The following BCHE variants were observed in gnomAD, a reference collection of about 807,000 sequenced individuals.
The protein encoded by BCHE is butyrylcholinesterase.
Under a neutral mutation model 51.3 loss-of-function variants are expected in BCHE, and 48 were observed. That is an observed-to-expected ratio of 0.94 (90% CI 0.74 to 1.19). The LOEUF (loss-of-function observed/expected upper bound fraction) is 1.19. Ranked by LOEUF, BCHE falls within the 50% of genes most tolerant of loss-of-function variation. The pLI is 0.00. For synonymous variants in BCHE, 251 were observed against 238.0 expected, an observed-to-expected ratio of 1.05 and a Z score of -0.50; for missense variants, 847 against 708.2, an observed-to-expected ratio of 1.20 and a Z score of -2.23.
At chr3:165,796,060 TAA>T (rs1323149765) in intron 2 of BCHE, among the ~76,000 whole-genome samples, 1 of 151,818 alleles carries the variant, frequency 6.6e-6, no homozygotes, top group Admixed American at 6.6e-5. Context: ...TTCTAGGAAA[TAA>T]AAAAGAAGAC....
At chr3:165,820,097 A>G (rs1714456245) in intron 2 of BCHE, among the ~76,000 whole-genome samples, 1 of 152,138 alleles carries the variant, frequency 6.6e-6, no homozygotes, top group Non-Finnish European at 1.5e-5. Flanking sequence ...GAGCCATTTT[A>G]TACTGAGTGC....
At chr3:165,791,546 G>A (rs546928192) in intron 2 of BCHE, among the ~76,000 whole-genome samples, 1 of 152,308 alleles carries the variant, frequency 6.6e-6, no homozygotes, top group Admixed American at 6.5e-5. Context: ...AAAGAGGAAA[G>A]GAGCAGGCAA....
intron 1 of BCHE, among the ~76,000 whole-genome samples, chr3:165,832,264 C>G (rs1454505681): frequency 6.6e-6 from 1 of 152,094 alleles, no homozygotes; most frequent in Non-Finnish European, 1.5e-5. Flanking sequence ...CAAAGAGGGA[C>G]AGCAAAATGT....
chr3:165,834,736 T>G (rs2108238981), intron 1 of BCHE, among the ~76,000 whole-genome samples: 1 of 152,036 alleles, frequency 6.6e-6, no homozygotes, highest in East Asian at 1.9e-4. Context: ...TATCTCAAAA[T>G]TTTTATTAAT....
intron 1 of BCHE, among the ~76,000 whole-genome samples, chr3:165,837,003 T>G (rs1462480826): frequency 1.3e-5 from 2 of 152,200 alleles, no homozygotes; most frequent in African/African-American, 2.4e-5. Flanking sequence ...ATGTTTTTTC[T>G]TAGGAAACTC....
At chr3:165,831,627 G>A (rs903923946) in intron 1 of BCHE, among the ~76,000 whole-genome samples, 2 of 152,066 alleles carry the variant, frequency 1.3e-5, no homozygotes, top group Admixed American at 6.6e-5. Flanking sequence ...AAACTGAAGA[G>A]AATTTAGACA....
intron 3 of BCHE, among the ~76,000 whole-genome samples, chr3:165,774,909 A>G (rs1712405344): frequency 6.6e-6 from 1 of 151,978 alleles, no homozygotes; most frequent in African/African-American, 2.4e-5. Context: ...TGAACAGTAA[A>G]AACTATTAAA....
At chr3:165,814,007 T>G (rs2108223911) in intron 2 of BCHE, among the ~76,000 whole-genome samples, 1 of 152,112 alleles carries the variant, frequency 6.6e-6, no homozygotes, top group Admixed American at 6.6e-5. Flanking sequence ...TACAGTAATT[T>G]TTCGTAAGTG....
Position 165,773,313 on chromosome 3 carries a change from TA to T in BCHE, c.*68del. 1 of 1,478,674 alleles carries T rather than the reference TA, an allele frequency of 6.8e-7. No homozygotes were observed. Among genetic ancestry groups the T allele is most frequent in the Non-Finnish European group, 9.3e-7 (1 of 1,074,840 alleles). The allele number at this position is 1,478,674 out of a possible 1,614,324, so 91.6% of individuals were successfully genotyped here. A position where few individuals can be genotyped will look rare whatever the true frequency, so the allele number is the denominator to read the frequency against. On this transcript the variant is annotated 3_prime_UTR_variant, in exon 4 of 4. Transcript: ENST00000264381. Reference sequence around the variant, plus strand: ...CATAATAACTTTTTTAGTAGGTGTGTAAAAAAGCTCCTGATATTTTTGCCTT... The same window carrying T: ...CATAATAACTTTTTTAGTAGGTGTGTAAAAAGCTCCTGATATTTTTGCCTT...
chr3:165,779,022 C>T (rs1352208727), intron 3 of BCHE, among the ~76,000 whole-genome samples: 3 of 152,088 alleles, frequency 2.0e-5, no homozygotes, highest in African/African-American at 4.8e-5. Context: ...ACCCTCCCCA[C>T]CCACAAAATA....
Position 165,804,538 on chromosome 3 carries a change from C to T in BCHE, c.1518-18227G>A, listed in dbSNP as rs114874054. Among the ~76,000 whole-genome samples the T allele has an allele frequency of 3.2e-3, 487 of 152,132 alleles. 1 individual carries two copies. The highest frequency in any genetic ancestry group is 0.01 in the Middle Eastern group (3 of 294). On this transcript the variant is annotated intron_variant, in intron 2 of 3. Transcript: ENST00000264381. ...TCTAGATGGGAGACAAGGGCATAAT[C>T]GACATTGCAACTGGAGGGAGGTAGA...
chr3:165,829,637 T>C lies in BCHE; in HGVS notation c.1397A>G (p.His466Arg), dbSNP rs775935293. Residue 466 changes from histidine to arginine, a missense_variant, in exon 2 of 4, where the codon CAT becomes CGT. His to Arg is a conservative substitution (Grantham distance 29). Transcript: ENST00000264381. Reference protein sequence around the residue: ...LPWPEWMGVMHGYEIEFVFGL... With the variant: ...LPWPEWMGVMRGYEIEFVFGL... Reference sequence around the variant, plus strand: ...AAAGACAAATTCAATTTCATAGCCATGCATCACTCCCATCCATTCTGGCCA... The same window carrying C: ...AAAGACAAATTCAATTTCATAGCCACGCATCACTCCCATCCATTCTGGCCA... 1.2e-6 allele frequency: 2 copies of C among 1,613,904 alleles called. No individual in the cohort carries two copies. Among genetic ancestry groups the C allele is most frequent in the Admixed American group, 3.3e-5 (2 of 59,948 alleles).
intron 2 of BCHE, among the ~76,000 whole-genome samples, chr3:165,790,991 G>A (rs922003859): frequency 6.6e-6 from 1 of 151,896 alleles, no homozygotes; most frequent in African/African-American, 2.4e-5. Context: ...GAATTGGAGG[G>A]TTTGCACAAA....
Position 165,805,189 on chromosome 3 carries a change from G to A in BCHE, c.1518-18878C>T, listed in dbSNP as rs554176178. 9.9e-5 allele frequency among the ~76,000 whole-genome samples: 15 copies of A among 152,060 alleles called. No individual in the cohort carries two copies. In the East Asian group the frequency reaches 1.9e-3, roughly 20 times the overall value. On this transcript the variant is annotated intron_variant, in intron 2 of 3. Transcript: ENST00000264381. ...GGAATAATGTTTTGAAAAAAATAAC[G>A]AGCTCTTAGTAGACATATATACATA...
intron 2 of BCHE, among the ~76,000 whole-genome samples, chr3:165,808,571 C>T (rs1194414264): frequency 6.6e-6 from 1 of 151,840 alleles, no homozygotes; most frequent in Non-Finnish European, 1.5e-5. Context: ...ACTTGAATAC[C>T]AATTTGGTTT....
intron 3 of BCHE, among the ~76,000 whole-genome samples, chr3:165,774,126 A>AG (rs1200557778): frequency 3.9e-5 from 6 of 152,214 alleles, no homozygotes; most frequent in Admixed American, 1.3e-4. Flanking sequence ...TATATTGTTT[A>AG]AGGAATAATG....
chr3:165,784,171 G>A (rs1362703683), intron 3 of BCHE, among the ~76,000 whole-genome samples: 3 of 151,868 alleles, frequency 2.0e-5, no homozygotes, highest in East Asian at 1.9e-4. Context: ...TCTGACTAAC[G>A]CATTCTCAAA....
intron 2 of BCHE, among the ~76,000 whole-genome samples, chr3:165,823,182 A>G (rs1714592802): frequency 6.6e-6 from 1 of 152,150 alleles, no homozygotes; most frequent in Admixed American, 6.6e-5. Flanking sequence ...AACCAAAGAC[A>G]TCAAATTTGC....
intron 2 of BCHE, among the ~76,000 whole-genome samples, chr3:165,828,829 C>T (rs888068361): frequency 6.6e-6 from 1 of 151,906 alleles, no homozygotes; most frequent in African/African-American, 2.4e-5. Context: ...CATACTATCA[C>T]AATACTTATA....
Sources: gnomAD v4.1 joint callset for allele counts (sites outside exome capture counted in the v4.1 genomes callset) on GRCh38, gnomAD v4.1.1 for gene constraint, MANE v1.5 for transcripts, NCBI Gene and HGNC (gene_info 2026-07-23, HGNC 2026-07-21) for gene names.